The following SCN9A variants were observed in gnomAD, a reference collection of about 807,000 sequenced individuals.
SCN9A encodes the protein sodium voltage-gated channel alpha subunit 9, also known as sodium channel protein type 9 subunit alpha.
In SCN9A, 131 loss-of-function variants were observed where a neutral mutation model predicts 187.0. That is an observed-to-expected ratio of 0.70 (90% CI 0.61 to 0.81). The LOEUF (loss-of-function observed/expected upper bound fraction) is 0.81, where lower values mean the gene tolerates loss of function less well. Ranked by LOEUF, SCN9A falls within the 30% of genes least tolerant of loss-of-function variation. SCN9A has a pLI of 0.00. For missense variants in SCN9A, 2,252 were observed against 2,396.6 expected, an observed-to-expected ratio of 0.94 and a Z score of 1.26; for synonymous variants, 809 against 808.6, an observed-to-expected ratio of 1.00 and a Z score of -0.01.
In SCN9A at chr2:166,293,595, T is replaced by C. The variant is rs367857959; in HGVS notation, c.966-223A>G. The stretch of plus-strand genomic sequence containing the variant: ...GATAATAACATCTACCTCAAGAAAA[T>C]AAGACTTGTAATAAGTTTAAATAAG... On this transcript the variant is annotated intron_variant, in intron 8 of 26. Coordinates refer to ENST00000642356, the MANE Select transcript of SCN9A (RefSeq NM_001365536.1). 1.1e-4 allele frequency among the ~76,000 whole-genome samples: 17 copies of C among 152,286 alleles called. No individual in the cohort carries two copies. The East Asian group carries it at 2.1e-3, about 19-fold the overall frequency.
intron 7 of SCN9A, 162 bp downstream of exon 7, chr2:166,302,928 A>C: frequency 1.7e-6 from 1 of 595,200 alleles, no homozygotes; most frequent in Non-Finnish European, 2.9e-6. Flanking sequence ...AGGATGATTT[A>C]TGAAAATCAT....
intron 5 of SCN9A, among the ~76,000 whole-genome samples, chr2:166,305,328 T>G (rs2106525480): frequency 6.6e-6 from 1 of 152,228 alleles, no homozygotes; most frequent in Admixed American, 6.5e-5. Flanking sequence ...TGCATTAATC[T>G]TAGGCTTAGT....
At chr2:166,338,139 C>A (rs1699674039) in intron 1 of SCN9A, among the ~76,000 whole-genome samples, 2 of 152,142 alleles carry the variant, frequency 1.3e-5, no homozygotes, top group Admixed American at 6.6e-5. Flanking sequence ...TGCAGCAAAG[C>A]ATATCTATGC....
In SCN9A at chr2:166,198,748, G is replaced by A; in HGVS notation, c.5891C>T (p.Pro1964Leu). Residue 1964 changes from proline to leucine, a missense_variant, in exon 27 of 27, where the codon CCA (proline) becomes CTA (leucine). Coordinates refer to ENST00000642356, the MANE Select transcript of SCN9A (RefSeq NM_001365536.1). ...GTCTTGTTCATATTTCTCTTTGTCTGGCTTTGTTACACTATCATATGAAGG... is the reference window on the plus strand; with the variant it reads ...GTCTTGTTCATATTTCTCTTTGTCTAGCTTTGTTACACTATCATATGAAGG... ...SPPSYDSVTKPDKEKYEQDRT... is the reference protein window; with the variant it reads ...SPPSYDSVTKLDKEKYEQDRT... 6 of 1,613,370 alleles carry A rather than the reference G, an allele frequency of 3.7e-6. No individual in the cohort carries two copies. Among genetic ancestry groups the A allele is most frequent in the Non-Finnish European group, 5.1e-6 (6 of 1,179,628 alleles).
chr2:166,330,600 G>A (rs938921988), intron 1 of SCN9A, among the ~76,000 whole-genome samples: 1 of 152,072 alleles, frequency 6.6e-6, no homozygotes, highest in Non-Finnish European at 1.5e-5. Context: ...AACCTTCTTG[G>A]AACCAAGGAC....
At chr2:166,206,697 A>C (rs1693824131) in intron 24 of SCN9A, among the ~76,000 whole-genome samples, 2 of 152,220 alleles carry the variant, frequency 1.3e-5, no homozygotes, top group Admixed American at 1.3e-4. Flanking sequence ...TACAATAACC[A>C]AAATTGTATT....
chr2:166,349,603 T>C (rs6738419), intron 1 of SCN9A, among the ~76,000 whole-genome samples: 8,013 of 152,228 alleles, frequency 0.053, 690 homozygotes, highest in African/African-American at 0.18. Context: ...ACTTTTAAAT[T>C]AGGTCACAAT....
At chr2:166,295,256 G>C (rs1354132630) in intron 7 of SCN9A, among the ~76,000 whole-genome samples, 1 of 152,226 alleles carries the variant, frequency 6.6e-6, no homozygotes, top group Non-Finnish European at 1.5e-5. Context: ...GGCAGAGGTA[G>C]GCAGGGGCCG....
intron 24 of SCN9A, among the ~76,000 whole-genome samples, chr2:166,223,862 A>G (rs1471966846): frequency 6.6e-6 from 1 of 152,182 alleles, no homozygotes; most frequent in African/African-American, 2.4e-5. Flanking sequence ...TGTGTTAACT[A>G]ATTGAAGTGT....
At position 166,242,564 on chromosome 2, in the gene SCN9A, C is replaced by A. The variant is rs1169483344; in HGVS notation, c.3565G>T (p.Val1189Phe). The change falls in exon 19 of 27, where the codon GTT (valine) becomes TTT (phenylalanine). Residue 1189 changes from valine (V) to phenylalanine (F), a missense_variant. Val to Phe is a conservative substitution (Grantham distance 50). This residue lies in a region of SCN9A where 313 missense variants were observed against 295.3 expected (regional missense o/e 1.06). Coordinates refer to ENST00000642356, the MANE Select transcript of SCN9A (RefSeq NM_001365536.1). ...AAGCTTTCAAACCAACTGTGTTCAA[C>A]AATCTTGTAGCAGGTTTTCCTGATG... Reference protein sequence around the residue: ...WNIRKTCYKIVEHSWFESFIV... With the variant: ...WNIRKTCYKIFEHSWFESFIV... 6.3e-7 allele frequency: 1 copy of A among 1,586,018 alleles called. No homozygotes were observed. The highest frequency in any genetic ancestry group is 2.3e-5 in the East Asian group (1 of 43,646).
chr2:166,368,686 T>TAA (rs67339035), intron 1 of SCN9A, among the ~76,000 whole-genome samples: 62,263 of 134,312 alleles, frequency 0.46, 14,693 homozygotes, highest in Non-Finnish European at 0.53. Flanking sequence ...GAAACTTAAT[T>TAA]AAAAAAAAAA....
rs1574748112 is a variant in SCN9A at position 166,222,948 on chromosome 2, A to AC, written c.4398+3618_4398+3619insG. 8.2e-5 allele frequency among the ~76,000 whole-genome samples: 9 copies of AC among 110,422 alleles called. No homozygotes were observed. The South Asian group carries it at 1.1e-3, about 14-fold the overall frequency. The allele number at this position is 110,422 out of a possible 152,430, so 72.4% of individuals were successfully genotyped here. A position where few individuals can be genotyped will look rare whatever the true frequency, so the allele number is the denominator to read the frequency against. On this transcript the variant is annotated intron_variant, in intron 24 of 26. Transcript: ENST00000642356. ...TCCGTCTCAAAAAAAAAAACAACAA[A>AC]AAAAAAAAAAAAAAAAAAAAAAAAC...
At chr2:166,293,823 A>G (rs916282481) in intron 8 of SCN9A, among the ~76,000 whole-genome samples, 1 of 152,230 alleles carries the variant, frequency 6.6e-6, no homozygotes, top group South Asian at 2.1e-4. Flanking sequence ...ATTAGAGTCA[A>G]TAATAGTCAA....
At chr2:166,250,212 T>C (rs1296771955) in intron 18 of SCN9A, among the ~76,000 whole-genome samples, 3 of 152,122 alleles carry the variant, frequency 2.0e-5, no homozygotes, top group African/African-American at 7.2e-5. Flanking sequence ...TGAGAAAATC[T>C]TGGACACTGA....
intron 17 of SCN9A, among the ~76,000 whole-genome samples, chr2:166,253,817 AG>A (rs1377599460): frequency 6.6e-6 from 1 of 151,868 alleles, no homozygotes; most frequent in African/African-American, 2.4e-5. Context: ...AATTGCTGAT[AG>A]AAAGAATACA....
Position 166,280,266 on chromosome 2 carries a change from G to T in SCN9A, c.2343+91C>A, listed in dbSNP as rs539062424. The T allele has an allele frequency of 1.9e-4, 136 of 735,006 alleles. 1 individual carries two copies. In the South Asian group the frequency reaches 2.5e-3, roughly 13 times the overall value. The allele number at this position is 735,006 out of a possible 1,614,324, so 45.5% of individuals were successfully genotyped here. On this transcript the variant is annotated intron_variant, in intron 14 of 26. Coordinates refer to ENST00000642356, the MANE Select transcript of SCN9A (RefSeq NM_001365536.1). ...TCTGGATATGCATAATTCTGAGGCT[G>T]CAGATTCATCTGACATAAAAAATAT...
intron 24 of SCN9A, among the ~76,000 whole-genome samples, chr2:166,216,517 T>C (rs1323618111): frequency 6.6e-6 from 1 of 152,062 alleles, no homozygotes. Context: ...TTAAAACTGA[T>C]ACATAAATTC....
At position 166,301,137 on chromosome 2, in the gene SCN9A, C is replaced by CAAAAAA. The variant is rs5836094; in HGVS notation, c.901+1947_901+1952dup. On this transcript the variant is annotated intron_variant, in intron 7 of 26. Coordinates refer to ENST00000642356, the MANE Select transcript of SCN9A (RefSeq NM_001365536.1). ...CTTCTTTTTTTGTATTATTTTTTAGCAAAAAAAAAAAAAAATACATGAAGC... is the reference window on the plus strand; with the variant it reads ...CTTCTTTTTTTGTATTATTTTTTAGCAAAAAAAAAAAAAAAAAAAAATACATGAAGC... 3.6e-4 allele frequency: 46 copies of CAAAAAA among 126,660 alleles called. 2 individuals are homozygous for CAAAAAA. Among genetic ancestry groups the CAAAAAA allele is most frequent in the African/African-American group, 1.4e-3 (46 of 31,832 alleles). The allele number at this position is 126,660 out of a possible 1,614,324, so 7.8% of individuals were successfully genotyped here.
chr2:166,303,136 T>C lies in SCN9A; in HGVS notation c.855A>G (p.Thr285=). Residue 285 remains threonine (T), a synonymous_variant, in exon 7 of 27, where the codon ACA becomes ACG. Coordinates refer to ENST00000642356, the MANE Select transcript of SCN9A (RefSeq NM_001365536.1). ...CFRNSLENNE[T]LESIMNTLES... ...CTAGGGTATTCATTATGCTTTCTAA[T>C]GTTTCATTATTTTCAAGTGAATTTC... 6.2e-7 allele frequency: 1 copy of C among 1,610,602 alleles called. No individual in the cohort carries two copies. Among genetic ancestry groups the C allele is most frequent in the Non-Finnish European group, 8.5e-7 (1 of 1,177,756 alleles).
Sources: gnomAD v4.1 joint callset for allele counts (sites outside exome capture counted in the v4.1 genomes callset) on GRCh38, gnomAD v4.1.1 for gene constraint, gnomAD v4.1.1 regional missense constraint, MANE v1.5 for transcripts, NCBI Gene and HGNC (gene_info 2026-07-23, HGNC 2026-07-21) for gene names.